UBE2L3: variants seen among roughly 807,000 people sequenced by gnomAD.
The protein encoded by UBE2L3 is ubiquitin-conjugating enzyme E2 L3.
In UBE2L3, 1 loss-of-function variant was observed where a neutral mutation model predicts 17.8. The ratio of observed to expected loss-of-function variants is 0.06; its 90% confidence interval spans 0.02 to 0.27. The LOEUF (loss-of-function observed/expected upper bound fraction) is 0.27. UBE2L3 is among the 10% of genes least tolerant of loss of function. The pLI, the probability that UBE2L3 is intolerant of heterozygous loss-of-function variation, is 1.00. For missense variants in UBE2L3, 40 were observed against 192.6 expected (o/e 0.21, Z 4.69); for synonymous variants, 44 against 68.5 (o/e 0.64, Z 1.76).
rs1312684717 is a variant in UBE2L3 at position 21,605,228 on chromosome 22, C to CT, written c.124-5628dup. 2.0e-5 allele frequency among the ~76,000 whole-genome samples: 3 copies of CT among 152,206 alleles called. No individual in the cohort carries two copies. In the East Asian group the frequency reaches 5.8e-4, roughly 29 times the overall value. ...TGTTTTTTTGAGAGAACACCTTGCT[C>CT]TATCGCCTAGGCAGGAGTGCAGTGG... On this transcript the variant is annotated intron_variant, in intron 2 of 3. Coordinates refer to ENST00000342192, the MANE Select transcript of UBE2L3 (RefSeq NM_003347.4).
chr22:21,576,678 C>T (rs949670415), intron 1 of UBE2L3, among the ~76,000 whole-genome samples: 5 of 152,220 alleles, frequency 3.3e-5, no homozygotes, highest in African/African-American at 1.2e-4. Context: ...TTGTGATCCG[C>T]CCACCTCGGC....
chr22:21,617,393 A>G (rs1411206624), intron 3 of UBE2L3, among the ~76,000 whole-genome samples: 1 of 151,940 alleles, frequency 6.6e-6, no homozygotes, highest in African/African-American at 2.4e-5. Context: ...CAGCCTCCCG[A>G]GTAGCTGGGA....
At chr22:21,616,960 C>T (rs948906313) in intron 3 of UBE2L3, among the ~76,000 whole-genome samples, 1 of 151,678 alleles carries the variant, frequency 6.6e-6, no homozygotes, top group African/African-American at 2.4e-5. Flanking sequence ...TCTGTAATCC[C>T]AGCACTTTGG....
intron 1 of UBE2L3, among the ~76,000 whole-genome samples, chr22:21,583,285 G>A (rs1049700837): frequency 6.6e-6 from 1 of 152,182 alleles, no homozygotes; most frequent in Non-Finnish European, 1.5e-5. Flanking sequence ...ACTGGTGTCT[G>A]CTAGACTTTC....
chr22:21,586,941 A>G (rs1365924371), intron 1 of UBE2L3, among the ~76,000 whole-genome samples: 1 of 148,328 alleles, frequency 6.7e-6, no homozygotes, highest in Non-Finnish European at 1.5e-5. Flanking sequence ...GTTGGAGTAC[A>G]ATGGTGTGAT....
Position 21,621,971 on chromosome 22 carries a change from A to T in UBE2L3, c.*302A>T. 1 of 308,742 alleles carries T rather than the reference A, an allele frequency of 3.2e-6. No homozygotes were observed. The highest frequency in any genetic ancestry group is 5.9e-6 in the Non-Finnish European group (1 of 170,208). 19.1% of individuals were successfully genotyped at this position (308,742 alleles called of 1,614,324 possible). A position where few individuals can be genotyped will look rare whatever the true frequency, so the allele number is the denominator to read the frequency against. ...ATTTTATCCAAAATCTTCAAGTTAC[A>T]TTTAACCCATAAGGTTTAAAAAAAA... is the stretch of plus-strand genomic sequence containing the variant. On this transcript the variant is annotated 3_prime_UTR_variant, in exon 4 of 4. Transcript: ENST00000342192.
At chr22:21,570,627 A>G (rs1926912755) in intron 1 of UBE2L3, among the ~76,000 whole-genome samples, 1 of 152,142 alleles carries the variant, frequency 6.6e-6, no homozygotes. Context: ...TGAGGATGGA[A>G]AGGCTTTCAG....
At chr22:21,589,665 CCT>C (rs1928152816) in intron 1 of UBE2L3, among the ~76,000 whole-genome samples, 1 of 152,084 alleles carries the variant, frequency 6.6e-6, no homozygotes, top group Non-Finnish European at 1.5e-5. Context: ...CCAGCAACAC[CCT>C]GTTGAGAAAC....
At chr22:21,592,104 G>C (rs1928296006) in intron 1 of UBE2L3, among the ~76,000 whole-genome samples, 1 of 152,208 alleles carries the variant, frequency 6.6e-6, no homozygotes, top group Non-Finnish European at 1.5e-5. Flanking sequence ...TGTGCTTTCT[G>C]GGTGAAATGG....
rs1930107883 is a variant in UBE2L3, at chr22:21,622,790, A to C, written c.*1121A>C. 1 of 152,886 alleles carries C rather than the reference A, an allele frequency of 6.5e-6. No individual in the cohort carries two copies. Among genetic ancestry groups the C allele is most frequent in the East Asian group, 1.9e-4 (1 of 5,340 alleles). 9.5% of individuals were successfully genotyped at this position (152,886 alleles called of 1,614,324 possible). A position where few individuals can be genotyped will look rare whatever the true frequency, so the allele number is the denominator to read the frequency against. On this transcript the variant is annotated 3_prime_UTR_variant, in exon 4 of 4. Coordinates refer to ENST00000342192, the MANE Select transcript of UBE2L3 (RefSeq NM_003347.4). ...AGAGCAGCCAGCCCAGCCCGGGAAC[A>C]AGACGGACTTCCTCTCCCTTCGGAC... is the stretch of plus-strand genomic sequence containing the variant.
chr22:21,568,180 C>T (rs775710163), intron 1 of UBE2L3: 111 of 999,214 alleles, frequency 1.1e-4, no homozygotes, highest in Non-Finnish European at 1.2e-4. Flanking sequence ...GCCGCGGAAC[C>T]GCCCCGCCCT....
chr22:21,604,237 C>T (rs997996954), intron 2 of UBE2L3, among the ~76,000 whole-genome samples: 1 of 152,110 alleles, frequency 6.6e-6, no homozygotes, highest in African/African-American at 2.4e-5. Context: ...TAGTGGCTCA[C>T]GCCTGTAATC....
At chr22:21,569,496 C>T (rs1013161434) in intron 1 of UBE2L3, among the ~76,000 whole-genome samples, 4 of 152,078 alleles carry the variant, frequency 2.6e-5, no homozygotes, top group Non-Finnish European at 5.9e-5. Flanking sequence ...GGTGCCCTCC[C>T]AAGTGCTCTC....
chr22:21,583,396 G>T (rs1927752342), intron 1 of UBE2L3, among the ~76,000 whole-genome samples: 1 of 152,194 alleles, frequency 6.6e-6, no homozygotes, highest in African/African-American at 2.4e-5. Flanking sequence ...TTCCTTTAGG[G>T]ATACTACAGG....
Position 21,623,254 on chromosome 22 carries a change from T to TA in UBE2L3, c.*1585_*1586insA, listed in dbSNP as rs1214394539. ...GCAGAAGTGGGGAGTGATGGGCAGG[T>TA]TCGGCAGCCTAACATTGTTCAGGCG... On this transcript the variant is annotated 3_prime_UTR_variant, in exon 4 of 4. Coordinates refer to ENST00000342192, the MANE Select transcript of UBE2L3 (RefSeq NM_003347.4). The TA allele has an allele frequency of 2.0e-5, 3 of 152,422 alleles. No homozygotes were observed. The highest frequency in any genetic ancestry group is 7.2e-5 in the African/African-American group (3 of 41,442). 9.4% of individuals were successfully genotyped at this position (152,422 alleles called of 1,614,324 possible).
At chr22:21,591,136 C>T (rs1446288653) in intron 1 of UBE2L3, among the ~76,000 whole-genome samples, 1 of 152,168 alleles carries the variant, frequency 6.6e-6, no homozygotes, top group African/African-American at 2.4e-5. Flanking sequence ...TTCCGTACCT[C>T]CTTATGCAGG....
intron 3 of UBE2L3, among the ~76,000 whole-genome samples, chr22:21,615,291 C>G (rs1929704360): frequency 1.3e-5 from 2 of 152,088 alleles, no homozygotes; most frequent in South Asian, 4.2e-4. Flanking sequence ...CGCGGTGGCT[C>G]ACGCCTGTAG....
At position 21,623,485 on chromosome 22, in the gene UBE2L3, C is replaced by G. The variant is rs942936291; in HGVS notation, c.*1816C>G. On this transcript the variant is annotated 3_prime_UTR_variant, in exon 4 of 4. Coordinates refer to ENST00000342192, the MANE Select transcript of UBE2L3 (RefSeq NM_003347.4). ...TAAAATGCCAAATTCTGTCAGCTAT[C>G]CAAACAAGCCACCATTTGTTCTTGT... The G allele has an allele frequency of 2.0e-5, 3 of 152,806 alleles. No individual in the cohort carries two copies. The highest frequency in any genetic ancestry group is 4.8e-5 in the African/African-American group (2 of 41,458). The allele number at this position is 152,806 out of a possible 1,614,324, so 9.5% of individuals were successfully genotyped here.
At chr22:21,602,407 T>C (rs968810794) in intron 2 of UBE2L3, among the ~76,000 whole-genome samples, 2 of 152,192 alleles carry the variant, frequency 1.3e-5, no homozygotes, top group Non-Finnish European at 2.9e-5. Flanking sequence ...ACACCTTGAC[T>C]TCCTCTGTGG....
Sources: gnomAD v4.1 joint callset for allele counts (sites outside exome capture counted in the v4.1 genomes callset) on GRCh38, gnomAD v4.1.1 for gene constraint, MANE v1.5 for transcripts, NCBI Gene and HGNC (gene_info 2026-07-23, HGNC 2026-07-21) for gene names.